PLEKHG1: variants seen among roughly 807,000 people sequenced by gnomAD.
The protein encoded by PLEKHG1 is pleckstrin homology domain-containing family G member 1.
PLEKHG1 carries 44 observed loss-of-function variants against 100.8 expected under a neutral mutation model. The ratio of observed to expected loss-of-function variants is 0.44; its 90% CI spans 0.34 to 0.56. The LOEUF is 0.56. PLEKHG1 is among the 20% of genes least tolerant of loss of function. The pLI, the probability that PLEKHG1 is intolerant of heterozygous loss-of-function variation, is 0.01. For missense variants in PLEKHG1, 1,545 were observed against 1,720.9 expected, an observed-to-expected ratio of 0.90 and a Z score of 1.81; for synonymous variants, 640 against 662.5, an observed-to-expected ratio of 0.97 and a Z score of 0.52.
Position 150,761,410 on chromosome 6 carries a change from C to T in PLEKHG1, c.412-7228C>T, listed in dbSNP as rs183689361. 1.7e-3 allele frequency among the ~76,000 whole-genome samples: 260 copies of T among 152,276 alleles called. 4 individuals are homozygous for T. The highest frequency in any genetic ancestry group is 6.0e-3 in the African/African-American group (250 of 41,552). On this transcript the variant is annotated intron_variant, in intron 2 of 15. Transcript: ENST00000358517. The stretch of plus-strand genomic sequence containing the variant: ...ACAACCTCCACCTCCCAGGTTCAAG[C>T]GATTGTCCTGCCTCAGCCTCTCGAG...
chr6:150,751,316 G>GAGCT (rs1583055565), intron 2 of PLEKHG1, among the ~76,000 whole-genome samples: 1 of 151,884 alleles, frequency 6.6e-6, no homozygotes, highest in Non-Finnish European at 1.5e-5. Context: ...GAGTCAAATT[G>GAGCT]GAGTTAATTT....
chr6:150,603,845 C>T (rs907142529), intron 1 of PLEKHG1, among the ~76,000 whole-genome samples: 2 of 152,188 alleles, frequency 1.3e-5, no homozygotes, highest in Non-Finnish European at 2.9e-5. Flanking sequence ...TTCTTTTCCC[C>T]TCCCTTCGTG....
chr6:150,713,635 G>A (rs900670665), intron 3 of PLEKHG1, among the ~76,000 whole-genome samples: 1 of 152,118 alleles, frequency 6.6e-6, no homozygotes, highest in African/African-American at 2.4e-5. Flanking sequence ...GAGCCAGTTC[G>A]GAGATTGATT....
intron 2 of PLEKHG1, among the ~76,000 whole-genome samples, chr6:150,738,629 T>C (rs1440602572): frequency 6.6e-6 from 1 of 152,196 alleles, no homozygotes; most frequent in Admixed American, 6.5e-5. Context: ...TTTCTGAAAG[T>C]TGAACCCCAA....
At chr6:150,730,846 G>C (rs1782211687) in intron 1 of PLEKHG1, among the ~76,000 whole-genome samples, 1 of 151,676 alleles carries the variant, frequency 6.6e-6, no homozygotes, top group Non-Finnish European at 1.5e-5. Context: ...AGGTTGCAAT[G>C]AGCTGAGATC....
chr6:150,721,023 G>C (rs187949370), upstream of PLEKHG1: 49 of 326,798 alleles, frequency 1.5e-4, no homozygotes, highest in Non-Finnish European at 2.0e-4. Context: ...CAGTGAGAAA[G>C]TTGCAAATCA....
chr6:150,760,882 C>T (rs575606865), intron 2 of PLEKHG1, among the ~76,000 whole-genome samples: 1 of 151,984 alleles, frequency 6.6e-6, no homozygotes, highest in South Asian at 2.1e-4. Flanking sequence ...AGTTTTTCTG[C>T]TACGTTATTA....
chr6:150,734,240 A>G, intron 2 of PLEKHG1, 148 bp downstream of exon 3: 1 of 785,894 alleles, frequency 1.3e-6, no homozygotes, highest in East Asian at 2.5e-5. Flanking sequence ...AGAAACCCTA[A>G]GGCCGTAACC....
chr6:150,840,621 T>C lies in PLEKHG1; in HGVS notation c.3883T>C (p.Ser1295Pro), dbSNP rs757826774. 3.1e-6 allele frequency: 5 copies of C among 1,614,228 alleles called. No individual in the cohort carries two copies. In the South Asian group the frequency reaches 5.5e-5, roughly 18 times the overall value. ...AGAAGATGAGTCGGAGTTGGAGCTATCTCACAATCGTAGAAGGAAATCTGA... is the reference window on the plus strand; with the variant it reads ...AGAAGATGAGTCGGAGTTGGAGCTACCTCACAATCGTAGAAGGAAATCTGA... Residue 1295 changes from serine (S) to proline (P), a missense_variant, in exon 16 of 16, where the codon TCT becomes CCT. Ser to Pro is a moderately conservative substitution (Grantham distance 74). Coordinates refer to ENST00000358517, the Ensembl canonical transcript of PLEKHG1.
intron 3 of PLEKHG1, among the ~76,000 whole-genome samples, chr6:150,779,407 G>A (rs917558521): frequency 9.0e-5 from 13 of 145,022 alleles, no homozygotes; most frequent in Admixed American, 3.6e-4. Flanking sequence ...GTGCAATGGC[G>A]CGATCTCAGC....
intron 3 of PLEKHG1, among the ~76,000 whole-genome samples, chr6:150,654,774 ATGAT>A (rs1297281560): frequency 6.6e-6 from 1 of 152,260 alleles, no homozygotes; most frequent in Admixed American, 6.5e-5. Flanking sequence ...TAATAGAAGA[ATGAT>A]TGGTGGCTAT....
chr6:150,626,530 A>G lies in PLEKHG1; in HGVS notation c.-203-11550A>G, dbSNP rs1777520007. On this transcript the variant is annotated intron_variant, in intron 1 of 3. Coordinates refer to the PLEKHG1 transcript ENST00000367326. The stretch of plus-strand genomic sequence containing the variant: ...TGCCGGGCTCTCCGGAGTGAAGGGT[A>G]AATCTCCGGCCTGCTGCACCATGTT... Among the ~76,000 whole-genome samples, 8 of 152,172 alleles carry G rather than the reference A, an allele frequency of 5.3e-5. No homozygotes were observed. The South Asian group carries it at 1.7e-3, about 32-fold the overall frequency.
intron 3 of PLEKHG1, among the ~76,000 whole-genome samples, chr6:150,681,030 T>C (rs1004223845): frequency 6.6e-6 from 1 of 152,196 alleles, no homozygotes; most frequent in African/African-American, 2.4e-5. Context: ...AATTTACAAT[T>C]ACATTTTTCA....
At chr6:150,669,046 C>A (rs1201489108) in intron 3 of PLEKHG1, among the ~76,000 whole-genome samples, 3 of 152,102 alleles carry the variant, frequency 2.0e-5, no homozygotes, top group African/African-American at 7.2e-5. Flanking sequence ...TTTTTGCAGG[C>A]TTTTCTTTGT....
chr6:150,605,640 TTTGA>T (rs1776571624), intron 1 of PLEKHG1: 1 of 152,202 alleles, frequency 6.6e-6, no homozygotes, highest in Non-Finnish European at 1.5e-5. Context: ...ATGGGCTCCC[TTTGA>T]TTGGTGGTCC....
intron 1 of PLEKHG1, among the ~76,000 whole-genome samples, chr6:150,608,963 T>C (rs1053279764): frequency 2.0e-5 from 3 of 152,230 alleles, no homozygotes; most frequent in Non-Finnish European, 2.9e-5. Flanking sequence ...TTATTGTGTT[T>C]ACTGGTTGTC....
chr6:150,711,955 A>G lies in PLEKHG1; in HGVS notation c.-98-21629A>G, dbSNP rs1781256498. Among the ~76,000 whole-genome samples, 6 of 152,326 alleles carry G rather than the reference A, an allele frequency of 3.9e-5. No individual in the cohort carries two copies. In the South Asian group the frequency reaches 1.2e-3, roughly 32 times the overall value. On this transcript the variant is annotated intron_variant, in intron 3 of 3. Transcript: ENST00000367326. ...ACTCAGGCCAGTATTCTGACTGCAT[A>G]TGAAGTCAAACTGCTATCACCATTT...
intron 2 of PLEKHG1, among the ~76,000 whole-genome samples, chr6:150,743,800 CTG>C (rs1783007867): frequency 6.6e-6 from 1 of 151,706 alleles, no homozygotes; most frequent in Non-Finnish European, 1.5e-5. Context: ...CAGTAGGGCT[CTG>C]TGAAATTATT....
At chr6:150,664,446 T>C (rs1424182611) in intron 3 of PLEKHG1, 2 of 152,188 alleles carry the variant, frequency 1.3e-5, no homozygotes, top group Admixed American at 6.5e-5. Flanking sequence ...GAACAAATGC[T>C]GGGTAAGAAA....
Sources: gnomAD v4.1 joint callset for allele counts (sites outside exome capture counted in the v4.1 genomes callset) on GRCh38, gnomAD v4.1.1 for gene constraint, MANE v1.5 for transcripts, NCBI Gene and HGNC (gene_info 2026-07-23, HGNC 2026-07-21) for gene names.